The following CCDC148 variants were observed in gnomAD, a reference collection of about 807,000 sequenced individuals.
The protein encoded by CCDC148 is coiled-coil domain-containing protein 148.
Under a neutral mutation model 85.7 loss-of-function variants are expected in CCDC148, and 89 were observed. That is an observed-to-expected ratio of 1.04 (90% CI 0.87 to 1.24). The LOEUF (loss-of-function observed/expected upper bound fraction) is 1.24, where lower values mean the gene tolerates loss of function less well. Ranked by LOEUF, CCDC148 falls within the 50% of genes most tolerant of loss-of-function variation. The pLI, the probability that CCDC148 is intolerant of heterozygous loss-of-function variation, is 0.00. For synonymous variants in CCDC148, 230 were observed against 213.9 expected, an observed-to-expected ratio of 1.08 and a Z score of -0.66; for missense variants, 692 against 671.7, an observed-to-expected ratio of 1.03 and a Z score of -0.33.
intron 9 of CCDC148, among the ~76,000 whole-genome samples, chr2:158,280,695 AC>A (rs1690240641): frequency 6.6e-6 from 1 of 152,220 alleles, no homozygotes; most frequent in South Asian, 2.1e-4. Flanking sequence ...TTAACACCCC[AC>A]TGTCAACATT....
intron 1 of CCDC148, among the ~76,000 whole-genome samples, chr2:158,444,505 G>A (rs1688075775): frequency 6.6e-6 from 1 of 152,046 alleles, no homozygotes; most frequent in Non-Finnish European, 1.5e-5. Context: ...AAAATGCTGG[G>A]TGCAGTGGCT....
chr2:158,361,364 A>T (rs1321453778), intron 1 of CCDC148, among the ~76,000 whole-genome samples: 1 of 152,098 alleles, frequency 6.6e-6, no homozygotes, highest in African/African-American at 2.4e-5. Context: ...ATCCCAAGAC[A>T]CATAATCATG....
At position 158,326,764 on chromosome 2, in the gene CCDC148, C is replaced by T. The variant is rs1329485018; in HGVS notation, c.764+11962G>A. ...TCAAAAAGTTTAATGAAAGAGGATA[C>T]AATAAAAATTCTTTCTCACACCTAC... On this transcript the variant is annotated intron_variant, in intron 7 of 13. Coordinates refer to ENST00000283233, the MANE Select transcript of CCDC148 (RefSeq NM_138803.4). 3.3e-5 allele frequency among the ~76,000 whole-genome samples: 5 copies of T among 152,072 alleles called. 1 individual carries two copies. Among genetic ancestry groups the T allele is most frequent in the African/African-American group, 9.7e-5 (4 of 41,430 alleles).
chr2:158,359,962 G>T (rs1345130229), intron 1 of CCDC148, among the ~76,000 whole-genome samples: 1 of 152,190 alleles, frequency 6.6e-6, no homozygotes, highest in Admixed American at 6.5e-5. Context: ...GTCTGAAGTT[G>T]ACCAGGAATG....
chr2:158,423,158 A>G (rs1438225666), intron 1 of CCDC148, among the ~76,000 whole-genome samples: 1 of 152,182 alleles, frequency 6.6e-6, no homozygotes, highest in Non-Finnish European at 1.5e-5. Context: ...ACACTGCCCA[A>G]AGTAATTTAT....
intron 2 of CCDC148, among the ~76,000 whole-genome samples, chr2:158,355,423 T>G (rs1683576091): frequency 6.6e-6 from 1 of 152,182 alleles, no homozygotes; most frequent in Non-Finnish European, 1.5e-5. Flanking sequence ...GAAGCATTCT[T>G]ATATACCAGC....
intron 7 of CCDC148, among the ~76,000 whole-genome samples, chr2:158,336,686 A>G (rs1354789436): frequency 1.3e-5 from 2 of 152,206 alleles, no homozygotes; most frequent in Non-Finnish European, 2.9e-5. Flanking sequence ...ATATTCCTCC[A>G]AAGTAGATTC....
chr2:158,289,156 GAAGT>G (rs376565052), intron 9 of CCDC148, among the ~76,000 whole-genome samples: 162 of 152,222 alleles, frequency 1.1e-3, no homozygotes, highest in African/African-American at 3.6e-3. Context: ...CAATGACTTT[GAAGT>G]CAGGAAATTA....
At chr2:158,328,841 A>G (rs1229902850) in intron 7 of CCDC148, among the ~76,000 whole-genome samples, 1 of 151,918 alleles carries the variant, frequency 6.6e-6, no homozygotes, top group South Asian at 2.1e-4. Context: ...CATATCCTTC[A>G]CCCACTTTTT....
intron 13 of CCDC148, among the ~76,000 whole-genome samples, chr2:158,174,900 T>C (rs556221438): frequency 6.6e-6 from 1 of 152,148 alleles, no homozygotes; most frequent in African/African-American, 2.4e-5. Context: ...AAAACACTGT[T>C]ATGGGGCACA....
intron 1 of CCDC148, among the ~76,000 whole-genome samples, chr2:158,373,784 C>G (rs1157582752): frequency 6.6e-6 from 1 of 151,960 alleles, no homozygotes; most frequent in Admixed American, 6.6e-5. Context: ...CCCTCTCATT[C>G]TAATTATTTT....
intron 9 of CCDC148, among the ~76,000 whole-genome samples, chr2:158,269,395 G>A (rs890628265): frequency 1.3e-5 from 2 of 152,084 alleles, no homozygotes; most frequent in African/African-American, 4.8e-5. Context: ...TCATAGGTAG[G>A]ACCTGGCAGC....
chr2:158,424,609 C>G (rs777965622), intron 1 of CCDC148: 1 of 156,806 alleles, frequency 6.4e-6, no homozygotes, highest in South Asian at 1.9e-4. Flanking sequence ...GGAAATATAC[C>G]TAATGTACAT....
chr2:158,274,182 T>G (rs1244399033), intron 9 of CCDC148, among the ~76,000 whole-genome samples: 3 of 152,218 alleles, frequency 2.0e-5, no homozygotes, highest in African/African-American at 7.2e-5. Context: ...ACATGTAGTT[T>G]GTGAACCAGC....
In CCDC148 at chr2:158,230,302, A is replaced by C. The variant is rs180884273; in HGVS notation, c.1252-9589T>G. Among the ~76,000 whole-genome samples, 264 of 152,332 alleles carry C rather than the reference A, an allele frequency of 1.7e-3. 1 individual carries two copies. Among genetic ancestry groups the C allele is most frequent in the Non-Finnish European group, 2.9e-3 (200 of 68,024 alleles). ...CTCTAAGAAGGGGATACGTAGAGTG[A>C]TGGTTTAGAAAAATTTGAGTAGAAT... is the stretch of plus-strand genomic sequence containing the variant. On this transcript the variant is annotated intron_variant, in intron 10 of 13. Coordinates refer to ENST00000283233, the MANE Select transcript of CCDC148 (RefSeq NM_138803.4).
chr2:158,398,589 G>T (rs1395125251), intron 1 of CCDC148, among the ~76,000 whole-genome samples: 1 of 152,118 alleles, frequency 6.6e-6, no homozygotes, highest in Non-Finnish European at 1.5e-5. Flanking sequence ...TGAGAACAAA[G>T]GCATAACACA....
At chr2:158,338,061 C>T (rs1254080155) in intron 7 of CCDC148, among the ~76,000 whole-genome samples, 1 of 151,976 alleles carries the variant, frequency 6.6e-6, no homozygotes, top group Non-Finnish European at 1.5e-5. Context: ...CAAAATGTCC[C>T]CTAGATGCTT....
chr2:158,260,820 A>T (rs1689191752), intron 9 of CCDC148, among the ~76,000 whole-genome samples: 2 of 152,048 alleles, frequency 1.3e-5, no homozygotes, highest in African/African-American at 4.8e-5. Flanking sequence ...GAAGTGAAAG[A>T]TCTCTACAAT....
chr2:158,343,435 G>A (rs563789041), intron 3 of CCDC148, among the ~76,000 whole-genome samples: 1 of 152,238 alleles, frequency 6.6e-6, no homozygotes, highest in African/African-American at 2.4e-5. Context: ...TTGTAGGGTC[G>A]TTGTAAATAT....
Sources: allele counts gnomAD v4.1 joint callset (sites outside exome capture counted in the v4.1 genomes callset), GRCh38; gene constraint gnomAD v4.1.1; transcripts MANE v1.5; gene names NCBI Gene and HGNC (gene_info 2026-07-23, HGNC 2026-07-21).